Variants in MDH1B observed in about 807,000 individuals in gnomAD.
MDH1B encodes putative malate dehydrogenase 1B.
MDH1B carries 60 observed loss-of-function variants against 61.4 expected under a neutral mutation model. The observed-to-expected ratio is 0.98, with a 90% CI of 0.79 to 1.21. MDH1B has a LOEUF of 1.21. MDH1B is among the 50% of genes most tolerant of loss of function. MDH1B has a pLI of 0.00. For missense variants in MDH1B, 587 were observed against 632.1 expected (o/e 0.93, Z 0.76); for synonymous variants, 236 against 218.7 (o/e 1.08, Z -0.70).
intron 6 of MDH1B, 134 bp downstream of exon 6, chr2:206,750,800 C>T (rs529911675): frequency 4.4e-6 from 3 of 679,542 alleles, no homozygotes; most frequent in Admixed American, 3.9e-5. Flanking sequence ...CTTCAGTAGA[C>T]AGCATGAACA....
At position 206,739,628 on chromosome 2, in the gene MDH1B, G is replaced by A; in HGVS notation, c.1493C>T (p.Thr498Ile). ...AEFPNQIPQT[T>I]FEKPQSLEFL... ...CTCAAGACTCTGTGGCTTTTCAAAG[G>A]TGGTTTGAGGAATCTGATTTGGAAA... Residue 498 changes from threonine to isoleucine, a missense_variant, in exon 11 of 12, where the codon ACC becomes ATC. By Grantham distance (89) the Thr-to-Ile change is moderately conservative (BLOSUM62 -1). Transcript: ENST00000374412. 6.2e-7 allele frequency: 1 copy of A among 1,614,046 alleles called. No homozygotes were observed. Among genetic ancestry groups the A allele is most frequent in the Non-Finnish European group, 8.5e-7 (1 of 1,179,954 alleles).
intron 1 of MDH1B, 97 bp from the exon 2 acceptor site, chr2:206,761,110 TATG>T: frequency 1.6e-6 from 1 of 635,962 alleles, no homozygotes; most frequent in Non-Finnish European, 2.7e-6. Context: ...TAGTCATAGT[TATG>T]ATATAATTTG....
intron 1 of MDH1B, among the ~76,000 whole-genome samples, chr2:206,763,399 C>G (rs576012095): frequency 2.6e-5 from 4 of 152,190 alleles, no homozygotes; most frequent in Admixed American, 2.6e-4. Context: ...CCAATCCATT[C>G]ACTTCTCTCC....
chr2:206,742,730 T>A (rs1687881267), intron 9 of MDH1B, among the ~76,000 whole-genome samples: 1 of 149,284 alleles, frequency 6.7e-6, no homozygotes, highest in East Asian at 2.0e-4. Context: ...TTTTTTTTTT[T>A]TTTTGAGACA....
Position 206,755,527 on chromosome 2 carries a change from A to G in MDH1B, c.414-22T>C, listed in dbSNP as rs753564468. The stretch of plus-strand genomic sequence containing the variant: ...GGCACTGATAAAAATGCAAAGCCGC[A>G]TTGTGAATAGTTATATCCTTTGTCC... On this transcript the variant is annotated intron_variant, in intron 4 of 11. Coordinates refer to ENST00000374412, the MANE Select transcript of MDH1B (RefSeq NM_001039845.3). 4 of 1,595,804 alleles carry G rather than the reference A, an allele frequency of 2.5e-6. No individual in the cohort carries two copies. The African/African-American group carries it at 4.0e-5, about 16-fold the overall frequency.
intron 11 of MDH1B, among the ~76,000 whole-genome samples, chr2:206,738,960 T>C (rs1296267034): frequency 1.3e-5 from 2 of 152,174 alleles, no homozygotes; most frequent in East Asian, 3.9e-4. Context: ...GGGGCTTGGG[T>C]GAATATCCTG....
intron 7 of MDH1B, 105 bp downstream of exon 7, chr2:206,748,915 T>A: frequency 1.1e-6 from 1 of 901,068 alleles, no homozygotes; most frequent in Non-Finnish European, 1.7e-6. Context: ...TCCAGGCAGC[T>A]AATGGACCAT....
At position 206,738,415 on chromosome 2, in the gene MDH1B, A is replaced by G. The variant is rs1687607540; in HGVS notation, c.*68T>C. Reference sequence around the variant, plus strand: ...AAATTATTCTTCCTTAAATATAGACATTCATATAAATTCTTTCTATGTTTA... The same window carrying G: ...AAATTATTCTTCCTTAAATATAGACGTTCATATAAATTCTTTCTATGTTTA... On this transcript the variant is annotated 3_prime_UTR_variant, in exon 12 of 12. Transcript: ENST00000374412. 1.7e-6 allele frequency: 2 copies of G among 1,165,436 alleles called. No individual in the cohort carries two copies. The highest frequency in any genetic ancestry group is 1.6e-5 in the African/African-American group (1 of 62,770). 72.2% of individuals were successfully genotyped at this position (1,165,436 alleles called of 1,614,324 possible).
At chr2:206,751,216 C>T in intron 5 of MDH1B, 141 bp from the exon 6 acceptor site, 1 of 591,008 alleles carries the variant, frequency 1.7e-6, no homozygotes, top group Non-Finnish European at 2.8e-6. Flanking sequence ...TTTATGATTC[C>T]TAAAATTGTG....
chr2:206,740,014 T>C (rs1218666622), intron 10 of MDH1B, among the ~76,000 whole-genome samples: 3 of 152,226 alleles, frequency 2.0e-5, no homozygotes, highest in African/African-American at 2.4e-5. Context: ...GATGAAGCCA[T>C]AAAAATGGAA....
At chr2:206,746,474 C>T (rs892758819) in intron 7 of MDH1B, 48 bp from the exon 8 acceptor site, 3 of 1,557,600 alleles carry the variant, frequency 1.9e-6, no homozygotes, top group South Asian at 1.2e-5. Context: ...AACTTAGAAA[C>T]ATGCACCTTT....
chr2:206,751,154 T>C, intron 5 of MDH1B, 79 bp from the exon 6 acceptor site: 2 of 1,018,730 alleles, frequency 2.0e-6, no homozygotes, highest in South Asian at 1.9e-5. Flanking sequence ...ATTTTTTGTT[T>C]GCGTGCATGT....
intron 7 of MDH1B, 68 bp downstream of exon 7, chr2:206,748,952 A>G: frequency 7.0e-7 from 1 of 1,431,674 alleles, no homozygotes; most frequent in Non-Finnish European, 9.7e-7. Context: ...GTGGGGACAC[A>G]GAATTAGGAG....
At chr2:206,758,393 G>A (rs1342392627) in intron 2 of MDH1B, among the ~76,000 whole-genome samples, 2 of 152,276 alleles carry the variant, frequency 1.3e-5, no homozygotes, top group East Asian at 1.9e-4. Context: ...TTGCCAGACT[G>A]GCTCTTAGAA....
At position 206,756,920 on chromosome 2, in the gene MDH1B, G is replaced by C; in HGVS notation, c.391C>G (p.Pro131Ala). 3 of 1,614,086 alleles carry C rather than the reference G, an allele frequency of 1.9e-6. No individual in the cohort carries two copies. The highest frequency in any genetic ancestry group is 2.5e-6 in the Non-Finnish European group (3 of 1,180,018). ...CACCTGGTGATCCAGACCTGCAAGGGGTTGATGCAAGTTTTCAGGGCTTCT... is the reference window on the plus strand; with the variant it reads ...CACCTGGTGATCCAGACCTGCAAGGCGTTGATGCAAGTTTTCAGGGCTTCT... ...EEEALKTCIN[P>A]LQVWITSASA... Residue 131 changes from proline (P) to alanine (A), a missense_variant, in exon 4 of 12, where the codon CCC (proline) becomes GCC (alanine). Physicochemically the swap from Pro to Ala is conservative, Grantham distance 27. Coordinates refer to ENST00000374412, the MANE Select transcript of MDH1B (RefSeq NM_001039845.3).
In MDH1B at chr2:206,746,312, G is replaced by T. The variant is rs750890442; in HGVS notation, c.1331C>A (p.Thr444Asn). The stretch of plus-strand genomic sequence containing the variant: ...CTGAATTAGATCACTTGTCATTCGG[G>T]TCATTATTTGTTCACTTATTTCAAC... ...KDVEISEQIMTRMTSDLIQEK... is the reference protein window; with the variant it reads ...KDVEISEQIMNRMTSDLIQEK... Residue 444 changes from threonine to asparagine, a missense_variant, in exon 8 of 12, where the codon ACC becomes AAC. By Grantham distance (65) the Thr-to-Asn change is moderately conservative. Transcript: ENST00000374412. The T allele has an allele frequency of 1.3e-5, 21 of 1,613,366 alleles. No homozygotes were observed. The highest frequency in any genetic ancestry group is 3.3e-5 in the Admixed American group (2 of 59,922).
chr2:206,763,296 G>C (rs1203156265), intron 1 of MDH1B, among the ~76,000 whole-genome samples: 1 of 148,248 alleles, frequency 6.7e-6, no homozygotes, highest in Non-Finnish European at 1.5e-5. Flanking sequence ...ACCTCTGCTT[G>C]GGAACAATGT....
Position 206,760,935 on chromosome 2 carries a change from A to G in MDH1B, c.101T>C (p.Ile34Thr). Residue 34 changes from isoleucine (I) to threonine (T), a missense_variant, in exon 2 of 12, where the codon ATA (isoleucine) becomes ACA (threonine). Coordinates refer to ENST00000374412, the MANE Select transcript of MDH1B (RefSeq NM_001039845.3). ...YLQKNLPDFR[I>T]HKITQRPEVW... ...CTCAGGACGTTGTGTGATTTTATGTATCCGAAAATCAGGAAGATTCTTTTG... is the reference window on the plus strand; with the variant it reads ...CTCAGGACGTTGTGTGATTTTATGTGTCCGAAAATCAGGAAGATTCTTTTG... The G allele has an allele frequency of 1.9e-6, 3 of 1,612,400 alleles. No homozygotes were observed. Among genetic ancestry groups the G allele is most frequent in the Non-Finnish European group, 1.7e-6 (2 of 1,178,602 alleles).
chr2:206,758,771 C>T (rs995169480), intron 2 of MDH1B, among the ~76,000 whole-genome samples: 1 of 150,210 alleles, frequency 6.7e-6, no homozygotes, highest in Non-Finnish European at 1.5e-5. Context: ...CATCTCAAAA[C>T]ACACACACAC....
Sources: allele counts gnomAD v4.1 joint callset (sites outside exome capture counted in the v4.1 genomes callset), GRCh38; gene constraint gnomAD v4.1.1; transcripts MANE v1.5; gene names NCBI Gene and HGNC (gene_info 2026-07-23, HGNC 2026-07-21).